The following CFDP1 variants were observed in gnomAD, a reference collection of about 807,000 sequenced individuals.
CFDP1 encodes heterochromatin-stabilizing protein CFDP1.
A neutral mutation model predicts 40.1 loss-of-function variants in CFDP1; 31 were observed. The ratio of observed to expected loss-of-function variants is 0.77; its 90% confidence interval spans 0.58 to 1.04. CFDP1 has a LOEUF of 1.04. Among genes scored for constraint, CFDP1 ranks in the 50% least tolerant of loss-of-function variants. The pLI is 0.00. For missense variants in CFDP1, 423 were observed against 343.4 expected, an observed-to-expected ratio of 1.23 and a Z score of -1.83; for synonymous variants, 167 against 120.0, an observed-to-expected ratio of 1.39 and a Z score of -2.56.
At chr16:75,303,905 C>A (rs2078240521) in intron 6 of CFDP1, among the ~76,000 whole-genome samples, 1 of 152,156 alleles carries the variant, frequency 6.6e-6, no homozygotes, top group Non-Finnish European at 1.5e-5. Context: ...TGCCGAGCAG[C>A]CAGGGCTCTC....
chr16:75,392,169 G>A (rs577435060), intron 5 of CFDP1, among the ~76,000 whole-genome samples: 55 of 152,106 alleles, frequency 3.6e-4, no homozygotes, highest in African/African-American at 1.3e-3. Flanking sequence ...ACTTTGGGAG[G>A]CTGAAGGGGG....
chr16:75,392,788 TAC>T (rs1555563024), intron 5 of CFDP1, among the ~76,000 whole-genome samples: 4 of 152,244 alleles, frequency 2.6e-5, no homozygotes, highest in Non-Finnish European at 5.9e-5. Context: ...AACCACAGCT[TAC>T]AAAGTACTTG....
chr16:75,358,635 A>G lies in CFDP1; in HGVS notation c.650+36455T>C, dbSNP rs975907627. On this transcript the variant is annotated intron_variant, in intron 5 of 6. Coordinates refer to ENST00000283882, the MANE Select transcript of CFDP1 (RefSeq NM_006324.3). ...AATTACCTACTTTTCCCCCATGAACACCATTTTTACCTGAAAAAAATGACT... is the reference window on the plus strand; with the variant it reads ...AATTACCTACTTTTCCCCCATGAACGCCATTTTTACCTGAAAAAAATGACT... Among the ~76,000 whole-genome samples, 5 of 152,166 alleles carry G rather than the reference A, an allele frequency of 3.3e-5. No individual in the cohort carries two copies. In the East Asian group the frequency reaches 7.7e-4, roughly 24 times the overall value.
intron 5 of CFDP1, among the ~76,000 whole-genome samples, chr16:75,353,627 T>C (rs1318124271): frequency 6.6e-6 from 1 of 151,682 alleles, no homozygotes; most frequent in Non-Finnish European, 1.5e-5. Flanking sequence ...CGGGCACCTA[T>C]AGTCCCAGCT....
chr16:75,376,748 G>C (rs1040521444), intron 5 of CFDP1, among the ~76,000 whole-genome samples: 3 of 152,118 alleles, frequency 2.0e-5, no homozygotes, highest in Non-Finnish European at 2.9e-5. Flanking sequence ...AACAGGTATG[G>C]GGCAGAAGCG....
rs116770695 is a variant in CFDP1 at position 75,314,033 on chromosome 16, C to T, written c.651-8851G>A. 4.9e-3 allele frequency among the ~76,000 whole-genome samples: 744 copies of T among 152,104 alleles called. 10 individuals carry two copies. The highest frequency in any genetic ancestry group is 0.018 in the African/African-American group (728 of 41,498). On this transcript the variant is annotated intron_variant, in intron 5 of 6. Coordinates refer to ENST00000283882, the MANE Select transcript of CFDP1 (RefSeq NM_006324.3). Reference sequence around the variant, plus strand: ...CCGAGTAGCTGGGGTTACAGGTGACCGCTACCATGCCTGGCTAATTTTTGC... The same window carrying T: ...CCGAGTAGCTGGGGTTACAGGTGACTGCTACCATGCCTGGCTAATTTTTGC...
At chr16:75,386,024 C>T (rs749774788) in intron 5 of CFDP1, among the ~76,000 whole-genome samples, 47 of 152,028 alleles carry the variant, frequency 3.1e-4, no homozygotes, top group Admixed American at 7.2e-4. Flanking sequence ...TATAGGAATA[C>T]GGCAAAATAA....
Position 75,383,655 on chromosome 16 carries a change from C to T in CFDP1, c.650+11435G>A, listed in dbSNP as rs187002046. Among the ~76,000 whole-genome samples, 65 of 152,078 alleles carry T rather than the reference C, an allele frequency of 4.3e-4. 2 individuals carry two copies. In the East Asian group the frequency reaches 0.012, roughly 29 times the overall value. ...CCAATATGGTGAAACCCTGCCTCTA[C>T]TAAAAATACAAAAATTAGCCGGGCA... On this transcript the variant is annotated intron_variant, in intron 5 of 6. Transcript: ENST00000283882.
chr16:75,421,136 T>A (rs2079275142), intron 1 of CFDP1, among the ~76,000 whole-genome samples: 1 of 152,188 alleles, frequency 6.6e-6, no homozygotes, highest in Non-Finnish European at 1.5e-5. Context: ...TTCCTGCTGT[T>A]TGCAGCGGGG....
chr16:75,319,300 C>T (rs1255553463), intron 5 of CFDP1, among the ~76,000 whole-genome samples: 1 of 152,156 alleles, frequency 6.6e-6, no homozygotes, highest in Admixed American at 6.5e-5. Context: ...CCTCGGCCTC[C>T]CAAAGTGCTG....
rs551674998 is a variant in CFDP1 at position 75,308,279 on chromosome 16, C to A, written c.651-3097G>T. On this transcript the variant is annotated intron_variant, in intron 5 of 6. Coordinates refer to ENST00000283882, the MANE Select transcript of CFDP1 (RefSeq NM_006324.3). Reference sequence around the variant, plus strand: ...CTCAGAAGTTCTGGTGGCATCAAGCCCTCGTGGCCTTGGAATTGTACTCTT... The same window carrying A: ...CTCAGAAGTTCTGGTGGCATCAAGCACTCGTGGCCTTGGAATTGTACTCTT... 6.6e-5 allele frequency among the ~76,000 whole-genome samples: 10 copies of A among 152,210 alleles called. 1 individual carries two copies. The highest frequency in any genetic ancestry group is 1.2e-4 in the Non-Finnish European group (8 of 67,998).
chr16:75,409,883 G>C (rs752884811), intron 4 of CFDP1, among the ~76,000 whole-genome samples: 19 of 151,850 alleles, frequency 1.3e-4, no homozygotes, highest in Non-Finnish European at 2.6e-4. Flanking sequence ...GAAGAAGTTA[G>C]AGAGAAAATT....
intron 5 of CFDP1, among the ~76,000 whole-genome samples, chr16:75,333,184 C>A (rs1385785551): frequency 1.4e-5 from 2 of 144,842 alleles, no homozygotes; most frequent in African/African-American, 5.2e-5. Flanking sequence ...AGTGCAGTGG[C>A]GCGATCTCAG....
intron 3 of CFDP1, among the ~76,000 whole-genome samples, 156 bp from the exon 4 acceptor site, chr16:75,412,108 C>T (rs565511268): frequency 6.6e-6 from 1 of 152,306 alleles, no homozygotes; most frequent in East Asian, 1.9e-4. Flanking sequence ...CTCCCCACCT[C>T]CCAGGTTAAA....
At chr16:75,413,218 G>GA (rs371593438) in intron 2 of CFDP1, among the ~76,000 whole-genome samples, 4 of 152,150 alleles carry the variant, frequency 2.6e-5, no homozygotes, top group South Asian at 2.1e-4. Flanking sequence ...CAAGGAAAAA[G>GA]AAAAAAATCC....
intron 6 of CFDP1, among the ~76,000 whole-genome samples, chr16:75,295,697 G>C (rs1299746735): frequency 2.0e-5 from 3 of 152,188 alleles, no homozygotes; most frequent in African/African-American, 7.2e-5. Context: ...CCTGCTCTTA[G>C]GTTTGATAAA....
intron 1 of CFDP1, among the ~76,000 whole-genome samples, chr16:75,418,658 A>G (rs1415302483): frequency 6.6e-6 from 1 of 151,918 alleles, no homozygotes; most frequent in East Asian, 1.9e-4. Context: ...AACGGCATAT[A>G]AACTACATCA....
chr16:75,412,464 C>T lies in CFDP1; in HGVS notation c.402+71G>A, dbSNP rs374104614. On this transcript the variant is annotated intron_variant, in intron 3 of 6. Transcript: ENST00000283882. Reference sequence around the variant, plus strand: ...TATCAAAAGGCATCTGGTCGATTTCCGTAGGCTTCAAATCTCAGTAATGTA... The same window carrying T: ...TATCAAAAGGCATCTGGTCGATTTCTGTAGGCTTCAAATCTCAGTAATGTA... 4.6e-5 allele frequency: 55 copies of T among 1,205,214 alleles called. 3 individuals carry two copies. Among genetic ancestry groups the T allele is most frequent in the Middle Eastern group, 1.9e-4 (1 of 5,176 alleles). 74.7% of individuals were successfully genotyped at this position (1,205,214 alleles called of 1,614,324 possible).
At position 75,414,589 on chromosome 16, in the gene CFDP1, G is replaced by T. The variant is rs1042252041; in HGVS notation, c.171C>A (p.Ser57Arg). 2.5e-6 allele frequency: 4 copies of T among 1,610,330 alleles called. No homozygotes were observed. The African/African-American group carries it at 5.3e-5, about 22-fold the overall frequency. ...KTQGKKRKAQ[S>R]IPARKRRQGG... is the part of the protein sequence containing the mutation. ...GAAGGCAGCATCACCTGGCTGGAAT[G>T]CTCTGGGCCTTTCTTTTTTTCCCTT... is the stretch of plus-strand genomic sequence containing the variant. The change falls in exon 2 of 7, where the codon AGC becomes AGA. Residue 57 changes from serine to arginine, a missense_variant. Ser to Arg is a moderately radical substitution (Grantham distance 110). Transcript: ENST00000283882.
Sources: allele counts gnomAD v4.1 joint callset (sites outside exome capture counted in the v4.1 genomes callset), GRCh38; gene constraint gnomAD v4.1.1; transcripts MANE v1.5; gene names NCBI Gene and HGNC (gene_info 2026-07-23, HGNC 2026-07-21).